The following CCS variants were observed in gnomAD, a reference collection of about 807,000 sequenced individuals.
CCS encodes copper chaperone for superoxide dismutase, also known as superoxide dismutase copper chaperone.
Under a neutral mutation model 35.5 loss-of-function variants are expected in CCS, and 32 were observed. That is an observed-to-expected ratio of 0.90 (90% CI 0.68 to 1.21). The LOEUF (loss-of-function observed/expected upper bound fraction) is 1.21, where lower values mean the gene tolerates loss of function less well. Ranked by LOEUF, CCS falls within the 50% of genes most tolerant of loss-of-function variation. The pLI, the probability that CCS is intolerant of heterozygous loss-of-function variation, is 0.00. For synonymous variants in CCS, 130 were observed against 147.2 expected (o/e 0.88, Z 0.84); for missense variants, 342 against 375.4 (o/e 0.91, Z 0.73).
intron 2 of CCS, 99 bp downstream of exon 2, chr11:66,593,813 G>T (rs1858426639): frequency 2.7e-6 from 3 of 1,101,214 alleles, no homozygotes; most frequent in Non-Finnish European, 4.1e-6. Context: ...TACAGATGCA[G>T]AAAGTGAACC....
Position 66,605,335 on chromosome 11 carries a change from C to G in CCS, c.490-4C>G. The G allele has an allele frequency of 6.2e-7, 1 of 1,614,124 alleles. No individual in the cohort carries two copies. The highest frequency in any genetic ancestry group is 8.5e-7 in the Non-Finnish European group (1 of 1,180,002). ...CCCTATACACACACTGGATCTCATT[C>G]CAGCACCGCGGAGACCTGGGCAATG... On this transcript the variant is annotated splice_region_variant and splice_polypyrimidine_tract_variant and intron_variant, in intron 5 of 7. Coordinates refer to ENST00000533244, the MANE Select transcript of CCS (RefSeq NM_005125.2).
chr11:66,599,247 C>T lies in CCS; in HGVS notation c.244C>T (p.Gln82Ter), dbSNP rs532214069. 3.1e-6 allele frequency: 5 copies of T among 1,600,998 alleles called. No individual in the cohort carries two copies. In the South Asian group the frequency reaches 5.6e-5, roughly 18 times the overall value. The part of the protein sequence containing the change: ...QAVLKGMGSG[Q>*]LQNLGAAVAI... ...GGTACTCAAGGGCATGGGCAGCGGC[C>T]AGTTGCGTGAGTGACCACTGTGGCC... Residue 82 changes from glutamine to a stop codon, truncating the protein, a stop_gained, in exon 3 of 8, where the codon CAG becomes TAG. Transcript: ENST00000533244. LOFTEE classifies it high-confidence loss of function.
At position 66,604,605 on chromosome 11, in the gene CCS, C is replaced by T. The variant is rs145314448; in HGVS notation, c.490-734C>T. On this transcript the variant is annotated intron_variant, in intron 5 of 7. Transcript: ENST00000533244. ...CAACTGTTGTATTCACCCTGTGTGT[C>T]ATCACCCCTAGTCTGTTCTGTATCT... Among the ~76,000 whole-genome samples the T allele has an allele frequency of 1.0e-3, 158 of 152,278 alleles. 1 individual carries two copies. Among genetic ancestry groups the T allele is most frequent in the African/African-American group, 3.5e-3 (144 of 41,566 alleles).
chr11:66,600,365 A>C, intron 4 of CCS, 124 bp from the exon 5 acceptor site: 1 of 557,060 alleles, frequency 1.8e-6, no homozygotes. Flanking sequence ...AGCCCAGCAC[A>C]GAGTAGGCCT....
intron 5 of CCS, among the ~76,000 whole-genome samples, chr11:66,603,896 C>T (rs375404192): frequency 2.7e-5 from 4 of 150,254 alleles, no homozygotes; most frequent in Non-Finnish European, 4.4e-5. Flanking sequence ...GGTATGGTGG[C>T]GTGCTCTGTA....
In CCS at chr11:66,600,523, C is replaced by T. The variant is rs367757609; in HGVS notation, c.463C>T (p.His155Tyr). ...GNHFNPDGAS[H>Y]GGPQDSDRHR... ...TCACTTTAACCCTGATGGAGCATCTCATGGGGGCCCCCAGGACTCTGACCG... is the reference window on the plus strand; with the variant it reads ...TCACTTTAACCCTGATGGAGCATCTTATGGGGGCCCCCAGGACTCTGACCG... Residue 155 changes from histidine to tyrosine, a missense_variant, in exon 5 of 8, where the codon CAT becomes TAT. His to Tyr is a moderately conservative substitution (Grantham distance 83, BLOSUM62 2). Coordinates refer to ENST00000533244, the MANE Select transcript of CCS (RefSeq NM_005125.2). The T allele has an allele frequency of 2.0e-6, 3 of 1,534,772 alleles. No individual in the cohort carries two copies. Among genetic ancestry groups the T allele is most frequent in the Non-Finnish European group, 2.6e-6 (3 of 1,135,710 alleles).
chr11:66,597,637 T>A (rs112646267), intron 2 of CCS, among the ~76,000 whole-genome samples: 167 of 117,936 alleles, frequency 1.4e-3, no homozygotes, highest in Middle Eastern at 6.2e-3. Flanking sequence ...CTGTAGTCCC[T>A]GCTACTCGGG....
At chr11:66,605,257 C>T (rs776668194) in intron 5 of CCS, 82 bp from the exon 6 acceptor site, 20 of 1,585,924 alleles carry the variant, frequency 1.3e-5, no homozygotes, top group East Asian at 4.5e-5. Context: ...CAGGAAGAGG[C>T]GTCGGAATCA....
chr11:66,599,432 C>T (rs761018008), intron 3 of CCS, 27 bp from the exon 4 acceptor site: 22 of 1,514,028 alleles, frequency 1.5e-5, no homozygotes, highest in Non-Finnish European at 1.9e-5. Context: ...AGGTGGCAAG[C>T]CAGCCCAAGT....
intron 5 of CCS, among the ~76,000 whole-genome samples, chr11:66,602,449 CGAGA>C (rs138953573): frequency 1.5e-4 from 23 of 151,908 alleles, no homozygotes; most frequent in Non-Finnish European, 2.5e-4. Flanking sequence ...AGTGAATGAG[CGAGA>C]GAGAGAGAGA....
chr11:66,595,191 A>C (rs144181827), intron 2 of CCS, among the ~76,000 whole-genome samples: 3 of 152,326 alleles, frequency 2.0e-5, no homozygotes, highest in African/African-American at 7.2e-5. Context: ...AATACAAAAA[A>C]AGCATTTAGA....
At chr11:66,596,440 C>T (rs894839562) in intron 2 of CCS, among the ~76,000 whole-genome samples, 3 of 148,436 alleles carry the variant, frequency 2.0e-5, no homozygotes, top group Admixed American at 1.4e-4. Context: ...AGTGCAGTGG[C>T]GCAATCTCGG....
At chr11:66,598,942 C>G (rs1858525231) in intron 2 of CCS, among the ~76,000 whole-genome samples, 174 bp from the exon 3 acceptor site, 1 of 152,184 alleles carries the variant, frequency 6.6e-6, no homozygotes, top group Non-Finnish European at 1.5e-5. Flanking sequence ...TGAAAAGAGA[C>G]AGACTCAGAA....
rs766821533 is a variant in CCS at position 66,605,503 on chromosome 11, T to G, written c.582T>G (p.Ile194Met). Residue 194 changes from isoleucine to methionine, a missense_variant, in exon 7 of 8, where the codon ATT becomes ATG. Transcript: ENST00000533244. ...EDEQLKVWDV[I>M]GRSLIIDEGE... ...TCCCCTCAAAGGTGTGGGATGTGAT[T>G]GGCCGCAGCCTGATTATTGATGAGG... 6.2e-7 allele frequency: 1 copy of G among 1,614,028 alleles called. No homozygotes were observed. Among genetic ancestry groups the G allele is most frequent in the Non-Finnish European group, 8.5e-7 (1 of 1,179,944 alleles).
chr11:66,599,706 T>C, intron 4 of CCS, 70 bp downstream of exon 4: 1 of 1,416,266 alleles, frequency 7.1e-7, no homozygotes, highest in Non-Finnish European at 9.7e-7. Context: ...TCACCAATAC[T>C]CTGTGAGGCA....
At chr11:66,600,440 C>T in intron 4 of CCS, 49 bp from the exon 5 acceptor site, 2 of 1,145,942 alleles carry the variant, frequency 1.7e-6, no homozygotes, top group Admixed American at 2.5e-5. Context: ...GGGTAGAGCA[C>T]CTGGCCTGTG....
At chr11:66,605,267 A>T (rs1590832353) in intron 5 of CCS, 72 bp from the exon 6 acceptor site, 1 of 1,600,196 alleles carries the variant, frequency 6.2e-7, no homozygotes, top group East Asian at 2.2e-5. Flanking sequence ...CGTCGGAATC[A>T]GGAAATCAGA....
intron 5 of CCS, among the ~76,000 whole-genome samples, chr11:66,601,843 A>G (rs907552677): frequency 2.0e-5 from 3 of 151,672 alleles, no homozygotes; most frequent in African/African-American, 4.8e-5. Flanking sequence ...CAGTGTTAGG[A>G]TTATGAGCAT....
chr11:66,597,267 G>C (rs1481593169), intron 2 of CCS, among the ~76,000 whole-genome samples: 2 of 151,908 alleles, frequency 1.3e-5, no homozygotes, highest in Non-Finnish European at 2.9e-5. Context: ...GACCATTCTG[G>C]CTAACACGGT....
Sources: gnomAD v4.1 joint callset for allele counts (sites outside exome capture counted in the v4.1 genomes callset) on GRCh38, gnomAD v4.1.1 for gene constraint, MANE v1.5 for transcripts, NCBI Gene and HGNC (gene_info 2026-07-23, HGNC 2026-07-21) for gene names.